Variants in NCR2 observed in about 807,000 individuals in gnomAD.
NCR2 encodes natural cytotoxicity triggering receptor 2.
NCR2 carries 35 observed loss-of-function variants against 30.7 expected under a neutral mutation model. That is an observed-to-expected ratio of 1.14 (90% CI 0.87 to 1.51). The LOEUF (loss-of-function observed/expected upper bound fraction) is 1.51, where lower values mean the gene tolerates loss of function less well. Among genes scored for constraint, NCR2 ranks in the 40% most tolerant of loss-of-function variants. The pLI, the probability that NCR2 is intolerant of heterozygous loss-of-function variation, is 0.00. For synonymous variants in NCR2, 146 were observed against 134.8 expected, an observed-to-expected ratio of 1.08 and a Z score of -0.58; for missense variants, 316 against 328.9, an observed-to-expected ratio of 0.96 and a Z score of 0.30.
chr6:41,336,721 G>A (rs992801875), intron 2 of NCR2, among the ~76,000 whole-genome samples: 2 of 152,090 alleles, frequency 1.3e-5, no homozygotes, highest in African/African-American at 2.4e-5. Context: ...AGGACCACCC[G>A]GCATCTTTGG....
chr6:41,341,718 C>T, intron 2 of NCR2, 76 bp from the exon 3 acceptor site: 3 of 1,519,878 alleles, frequency 2.0e-6, no homozygotes, highest in Non-Finnish European at 2.7e-6. Flanking sequence ...GTCCAACTCC[C>T]CCATCCAGCT....
At chr6:41,342,499 C>G (rs1214619908) in intron 4 of NCR2, among the ~76,000 whole-genome samples, 1 of 148,964 alleles carries the variant, frequency 6.7e-6, no homozygotes, top group Admixed American at 6.7e-5. Flanking sequence ...CTCTCCCTGT[C>G]TCTCTACCCC....
chr6:41,343,939 A>G lies in NCR2; in HGVS notation c.644+1790A>G, dbSNP rs555603617. On this transcript the variant is annotated intron_variant, in intron 4 of 4. Transcript: ENST00000373089. Reference sequence around the variant, plus strand: ...CTCTGATTTAACACCCCAAATCCAGACGCCTGGGTCACCCCAACGTTTCCC... The same window carrying G: ...CTCTGATTTAACACCCCAAATCCAGGCGCCTGGGTCACCCCAACGTTTCCC... 8.5e-5 allele frequency among the ~76,000 whole-genome samples: 13 copies of G among 152,104 alleles called. No homozygotes were observed. In the South Asian group the frequency reaches 2.7e-3, roughly 32 times the overall value.
chr6:41,342,090 T>A lies in NCR2; in HGVS notation c.585T>A (p.Pro195=). The A allele has an allele frequency of 1.2e-6, 2 of 1,613,870 alleles. No individual in the cohort carries two copies. Among genetic ancestry groups the A allele is most frequent in the Non-Finnish European group, 1.7e-6 (2 of 1,180,024 alleles). The part of the protein sequence containing the change: ...PGPAAPIALV[P]VFCGLLVAKS... ...CTGCAGCCCCCATTGCCCTGGTGCC[T>A]GTGTTCTGTGGACTCCTCGTAGCCA... Residue 195 remains proline, a synonymous_variant, in exon 4 of 5, where the codon CCT becomes CCA. Coordinates refer to ENST00000373089, the MANE Select transcript of NCR2 (RefSeq NM_004828.4).
chr6:41,349,489 T>C (rs1033915268), intron 4 of NCR2, among the ~76,000 whole-genome samples: 3 of 152,160 alleles, frequency 2.0e-5, no homozygotes, highest in African/African-American at 7.2e-5. Context: ...CAATCCATGA[T>C]TGAAAGCTTG....
chr6:41,349,149 TTAA>T (rs1474092399), intron 4 of NCR2, among the ~76,000 whole-genome samples: 5 of 147,460 alleles, frequency 3.4e-5, no homozygotes, highest in Non-Finnish European at 7.5e-5. Context: ...TTAATTTTTA[TTAA>T]TAATTTTAAA....
intron 4 of NCR2, among the ~76,000 whole-genome samples, chr6:41,349,996 A>G (rs925785301): frequency 6.6e-5 from 10 of 152,204 alleles, no homozygotes; most frequent in Non-Finnish European, 1.2e-4. Context: ...TTGCCTGGAA[A>G]TCCTAGCTGT....
chr6:41,335,859 G>GGTCC lies in NCR2; in HGVS notation c.-18_-17insGTCC. Reference sequence around the variant, plus strand: ...TCTCCAGGTGTCCCCTCCCATGAGCGCACAGGAAAAGGACCACATGGCCTG... The same window carrying GGTCC: ...TCTCCAGGTGTCCCCTCCCATGAGCGGTCCCACAGGAAAAGGACCACATGGCCTG... On this transcript the variant is annotated 5_prime_UTR_variant, in exon 1 of 5. Transcript: ENST00000373089. 1 of 1,562,174 alleles carries GGTCC rather than the reference G, an allele frequency of 6.4e-7. No homozygotes were observed. The highest frequency in any genetic ancestry group is 1.9e-5 in the Admixed American group (1 of 51,948).
At chr6:41,341,975 G>T in intron 3 of NCR2, 46 bp downstream of exon 3, 5 of 1,611,808 alleles carry the variant, frequency 3.1e-6, no homozygotes, top group Non-Finnish European at 4.2e-6. Flanking sequence ...GGCGGGGGCT[G>T]GCAGATGGAG....
At chr6:41,344,424 C>T (rs1024194694) in intron 4 of NCR2, among the ~76,000 whole-genome samples, 14 of 152,384 alleles carry the variant, frequency 9.2e-5, no homozygotes, top group African/African-American at 3.1e-4. Flanking sequence ...CTGACGCTTA[C>T]AATCCCGATG....
At chr6:41,347,934 G>A (rs138998800) in intron 4 of NCR2, among the ~76,000 whole-genome samples, 16 of 152,244 alleles carry the variant, frequency 1.1e-4, no homozygotes, top group Middle Eastern at 3.4e-3. Context: ...CTTTCTTCAC[G>A]GCAAGGGAAC....
chr6:41,349,159 T>A (rs1256617284), intron 4 of NCR2, among the ~76,000 whole-genome samples: 1 of 147,544 alleles, frequency 6.8e-6, no homozygotes, highest in Non-Finnish European at 1.5e-5. Context: ...TTAATAATTT[T>A]AAATAAATTA....
At chr6:41,336,520 C>A in intron 2 of NCR2, 92 bp downstream of exon 2, 3 of 1,040,908 alleles carry the variant, frequency 2.9e-6, no homozygotes, top group Middle Eastern at 5.0e-4. Context: ...GGAAGCCACC[C>A]ATGCCCACGC....
At chr6:41,350,519 T>C (rs2273960) in intron 4 of NCR2, among the ~76,000 whole-genome samples, 159 bp from the exon 5 acceptor site, 108,345 of 152,144 alleles carry the variant, frequency 0.71, 39,485 homozygotes, top group East Asian at 0.86. Context: ...TCACTGACAC[T>C]TTTCTGGCAG....
intron 4 of NCR2, among the ~76,000 whole-genome samples, chr6:41,344,943 T>G (rs1769266673): frequency 6.6e-6 from 1 of 152,088 alleles, no homozygotes; most frequent in Non-Finnish European, 1.5e-5. Context: ...TTCCTGGGAG[T>G]GTAAGTCTAG....
chr6:41,346,677 T>G (rs75476883), intron 4 of NCR2, among the ~76,000 whole-genome samples: 2,484 of 152,264 alleles, frequency 0.016, 66 homozygotes, highest in African/African-American at 0.055. Context: ...TCCCGAAATG[T>G]CTCACTGTCA....
intron 2 of NCR2, among the ~76,000 whole-genome samples, chr6:41,337,388 A>G (rs1347954815): frequency 6.6e-6 from 1 of 152,226 alleles, no homozygotes; most frequent in Non-Finnish European, 1.5e-5. Flanking sequence ...GCTTAACGGT[A>G]TACCCATAAC....
chr6:41,349,557 A>G (rs1329788445), intron 4 of NCR2, among the ~76,000 whole-genome samples: 8 of 152,156 alleles, frequency 5.3e-5, no homozygotes, highest in Non-Finnish European at 5.9e-5. Context: ...GACTGCATTA[A>G]TCATCAATCA....
At chr6:41,349,732 C>T (rs1305338915) in intron 4 of NCR2, among the ~76,000 whole-genome samples, 1 of 152,146 alleles carries the variant, frequency 6.6e-6, no homozygotes, top group Admixed American at 6.5e-5. Flanking sequence ...TTTGGTTTTT[C>T]CTACTAAACA....
Sources: allele counts gnomAD v4.1 joint callset (sites outside exome capture counted in the v4.1 genomes callset), GRCh38; gene constraint gnomAD v4.1.1; transcripts MANE v1.5; gene names NCBI Gene and HGNC (gene_info 2026-07-23, HGNC 2026-07-21).